The following RARB variants were observed in gnomAD, a reference collection of about 807,000 sequenced individuals.
The protein encoded by RARB is retinoic acid receptor beta.
RARB carries 17 observed loss-of-function variants against 51.9 expected under a neutral mutation model. That is an observed-to-expected ratio of 0.33 (90% CI 0.22 to 0.49). The LOEUF is 0.49. Ranked by LOEUF, RARB falls within the 20% of genes least tolerant of loss-of-function variation. The probability of loss-of-function intolerance (pLI) is 0.99; values close to 1 mark genes in which losing one functional copy is unlikely to be tolerated. For missense variants in RARB, 369 were observed against 550.8 expected, an observed-to-expected ratio of 0.67 and a Z score of 3.30; for synonymous variants, 215 against 195.4, an observed-to-expected ratio of 1.10 and a Z score of -0.84.
chr3:25,410,496 G>T (rs9866986), intron 5 of RARB, among the ~76,000 whole-genome samples: 1 of 152,160 alleles, frequency 6.6e-6, no homozygotes, highest in South Asian at 2.1e-4. Context: ...TTTGAATCTT[G>T]AGTAGTGAAC....
chr3:25,088,647 G>C (rs1475211115), intron 3 of RARB, among the ~76,000 whole-genome samples: 3 of 152,102 alleles, frequency 2.0e-5, no homozygotes, highest in Non-Finnish European at 4.4e-5. Flanking sequence ...CCTCAAGATG[G>C]CTTATCAAAA....
intron 5 of RARB, among the ~76,000 whole-genome samples, chr3:25,351,479 GATC>G (rs1464079810): frequency 1.3e-5 from 2 of 151,974 alleles, no homozygotes; most frequent in African/African-American, 4.8e-5. Flanking sequence ...AGGTCACCTA[GATC>G]TGTCACTTGT....
At chr3:24,980,613 A>C (rs1696638613) in intron 2 of RARB, among the ~76,000 whole-genome samples, 1 of 152,112 alleles carries the variant, frequency 6.6e-6, no homozygotes, top group Admixed American at 6.6e-5. Context: ...TTTCAGTTCC[A>C]TCAGGTCATT....
chr3:25,525,653 A>C (rs915669056), intron 3 of RARB, among the ~76,000 whole-genome samples: 1 of 152,176 alleles, frequency 6.6e-6, no homozygotes, highest in African/African-American at 2.4e-5. Context: ...GGGTTGGGAG[A>C]GGGTAGACAC....
Position 25,237,592 on chromosome 3 carries a change from G to A in RARB, c.178+63017G>A, listed in dbSNP as rs570351213. On this transcript the variant is annotated intron_variant, in intron 5 of 11. Coordinates refer to the RARB transcript ENST00000383772. ...AAAATAACAGCTTTATTGAGATTTA[G>A]TTATATATTATAAAGTTCACCATTT... Among the ~76,000 whole-genome samples the A allele has an allele frequency of 3.3e-5, 5 of 152,150 alleles. No homozygotes were observed. The South Asian group carries it at 1.0e-3, about 32-fold the overall frequency.
At chr3:25,423,475 C>T (rs1707912177), upstream of RARB, among the ~76,000 whole-genome samples, 1 of 152,170 alleles carries the variant, frequency 6.6e-6, no homozygotes, top group Non-Finnish European at 1.5e-5. Context: ...CAATATGTAT[C>T]ATAAGACCAT....
chr3:25,281,248 C>G (rs933322563), intron 5 of RARB, among the ~76,000 whole-genome samples: 2 of 152,140 alleles, frequency 1.3e-5, no homozygotes, highest in African/African-American at 2.4e-5. Flanking sequence ...ACCCTGGGAA[C>G]AGTTTAGTCA....
intron 4 of RARB, among the ~76,000 whole-genome samples, chr3:25,577,052 C>T (rs1700965441): frequency 6.6e-6 from 1 of 152,186 alleles, no homozygotes; most frequent in African/African-American, 2.4e-5. Flanking sequence ...GGAGGGAGAT[C>T]ACAGATGCAA....
intron 2 of RARB, among the ~76,000 whole-genome samples, chr3:24,877,425 C>A (rs1353023837): frequency 2.3e-5 from 3 of 131,170 alleles, no homozygotes; most frequent in African/African-American, 8.5e-5. Context: ...AGCCCCAGAA[C>A]CTTTAAAAGT....
intron 2 of RARB, among the ~76,000 whole-genome samples, chr3:25,009,327 A>T (rs999525937): frequency 2.6e-5 from 4 of 152,176 alleles, no homozygotes; most frequent in African/African-American, 7.2e-5. Context: ...TTCTCTTTAA[A>T]GGTAATCATA....
chr3:24,881,642 G>A (rs930502630), intron 2 of RARB, among the ~76,000 whole-genome samples: 2 of 152,134 alleles, frequency 1.3e-5, no homozygotes, highest in African/African-American at 4.8e-5. Flanking sequence ...CTTTTTAAAA[G>A]TTACTGGAAT....
At chr3:25,498,336 A>G (rs1396470558) in intron 2 of RARB, among the ~76,000 whole-genome samples, 1 of 152,216 alleles carries the variant, frequency 6.6e-6, no homozygotes, top group Non-Finnish European at 1.5e-5. Context: ...GTATAAACTC[A>G]TAATATCAAT....
At chr3:25,379,128 G>C (rs532252499) in intron 5 of RARB, among the ~76,000 whole-genome samples, 1 of 152,140 alleles carries the variant, frequency 6.6e-6, no homozygotes, top group African/African-American at 2.4e-5. Context: ...TTAATGGTCT[G>C]TTTAGATAGC....
chr3:25,570,024 T>G (rs1358272374), intron 4 of RARB, 106 bp downstream of exon 4: 2 of 1,324,646 alleles, frequency 1.5e-6, no homozygotes, highest in Non-Finnish European at 2.1e-6. Context: ...ACACACACTT[T>G]GCACTGGGCC....
intron 2 of RARB, among the ~76,000 whole-genome samples, chr3:24,918,818 G>T (rs181254262): frequency 4.3e-4 from 65 of 152,278 alleles, no homozygotes; most frequent in Non-Finnish European, 7.4e-4. Context: ...TTGAACCCAG[G>T]ATGCAGAGGT....
intron 5 of RARB, among the ~76,000 whole-genome samples, chr3:25,238,154 C>CT (rs975086904): frequency 6.6e-6 from 1 of 151,058 alleles, no homozygotes; most frequent in East Asian, 1.9e-4. Context: ...TCCAGCGCCC[C>CT]CCCACACATC....
intron 5 of RARB, among the ~76,000 whole-genome samples, chr3:25,208,696 T>G (rs1701620582): frequency 6.6e-6 from 1 of 152,170 alleles, no homozygotes; most frequent in African/African-American, 2.4e-5. Flanking sequence ...CTTTTGTTAT[T>G]TGTTTTACAG....
chr3:24,955,335 C>A (rs1695990018), intron 2 of RARB, among the ~76,000 whole-genome samples: 1 of 151,692 alleles, frequency 6.6e-6, no homozygotes, highest in Non-Finnish European at 1.5e-5. Flanking sequence ...TGTCTCTTTG[C>A]CAGCTGAGGT....
intron 2 of RARB, among the ~76,000 whole-genome samples, chr3:24,901,481 T>A (rs1464358011): frequency 1.3e-5 from 2 of 152,202 alleles, no homozygotes; most frequent in Non-Finnish European, 2.9e-5. Flanking sequence ...CCTCAAGTGA[T>A]CCTCCTGCCT....
Sources: gnomAD v4.1 joint callset for allele counts (sites outside exome capture counted in the v4.1 genomes callset) on GRCh38, gnomAD v4.1.1 for gene constraint, MANE v1.5 for transcripts, NCBI Gene and HGNC (gene_info 2026-07-23, HGNC 2026-07-21) for gene names.